RNF17: variants seen among roughly 807,000 people sequenced by gnomAD.
The protein encoded by RNF17 is spermatogenesis associated 23.
In RNF17, 31 loss-of-function variants were observed where a neutral mutation model predicts 200.5. The observed-to-expected ratio is 0.15, with a 90% confidence interval of 0.12 to 0.21. The LOEUF is 0.21. RNF17 is among the 10% of genes least tolerant of loss of function. RNF17 has a pLI of 1.00. For synonymous variants in RNF17, 606 were observed against 637.8 expected, an observed-to-expected ratio of 0.95 and a Z score of 0.75; for missense variants, 1,628 against 1,905.1, an observed-to-expected ratio of 0.85 and a Z score of 2.71.
intron 30 of RNF17, among the ~76,000 whole-genome samples, chr13:24,867,018 G>C (rs752181517): frequency 2.0e-5 from 3 of 152,060 alleles, no homozygotes; most frequent in Admixed American, 6.5e-5. Context: ...CTGGTGATTA[G>C]TATTGTTGAG....
chr13:24,821,484 C>G (rs990897535), intron 15 of RNF17, among the ~76,000 whole-genome samples: 3 of 152,068 alleles, frequency 2.0e-5, no homozygotes, highest in Admixed American at 2.0e-4. Context: ...TTCATAATGT[C>G]TCTGTTGGTT....
chr13:24,837,940 A>T (rs1432876585), intron 18 of RNF17, among the ~76,000 whole-genome samples: 1 of 152,128 alleles, frequency 6.6e-6, no homozygotes, highest in Non-Finnish European at 1.5e-5. Context: ...CATTAGCACG[A>T]TTTAGCACGA....
chr13:24,807,858 A>C (rs1447419805), intron 15 of RNF17, among the ~76,000 whole-genome samples: 1 of 151,378 alleles, frequency 6.6e-6, no homozygotes, highest in African/African-American at 2.4e-5. Context: ...TCAGCTTTCT[A>C]CATATGGCTA....
At chr13:24,764,432 C>T (rs1879253091) in intron 1 of RNF17, 99 bp downstream of exon 1, 4 of 1,432,038 alleles carry the variant, frequency 2.8e-6, no homozygotes, top group East Asian at 2.5e-5. Context: ...CAGCTGCATC[C>T]AATCCTGGTG....
At chr13:24,854,579 A>G (rs1045284235) in intron 25 of RNF17, among the ~76,000 whole-genome samples, 12 of 152,162 alleles carry the variant, frequency 7.9e-5, no homozygotes, top group African/African-American at 1.9e-4. Flanking sequence ...AAAGAAGGCA[A>G]TCACTCTAGA....
chr13:24,843,981 A>G lies in RNF17; in HGVS notation c.2831+10A>G, dbSNP rs1439239211. Reference sequence around the variant, plus strand: ...AAAACTTACTTAATAGGTATAATATATATATATAATATATAAGGAAAATAT... The same window carrying G: ...AAAACTTACTTAATAGGTATAATATGTATATATAATATATAAGGAAAATAT... On this transcript the variant is annotated intron_variant, in intron 20 of 35. Transcript: ENST00000255324. 2.9e-6 allele frequency: 2 copies of G among 699,646 alleles called. No homozygotes were observed. Among genetic ancestry groups the G allele is most frequent in the Non-Finnish European group, 4.2e-6 (2 of 475,234 alleles). The allele number at this position is 699,646 out of a possible 1,614,324, so 43.3% of individuals were successfully genotyped here. A position where few individuals can be genotyped will look rare whatever the true frequency, so the allele number is the denominator to read the frequency against.
At chr13:24,758,805 G>C in the RNF17 span, among the ~76,000 whole-genome samples, 1 of 151,992 alleles carries the variant, frequency 6.6e-6, no homozygotes, top group African/African-American at 2.4e-5. Context: ...GGCTGGGCGC[G>C]GTGGCTCACG....
At chr13:24,773,781 A>ACTTCAGTTT (rs976383755) in intron 2 of RNF17, among the ~76,000 whole-genome samples, 1 of 152,176 alleles carries the variant, frequency 6.6e-6, no homozygotes, top group Non-Finnish European at 1.5e-5. Context: ...CTTCAGCTTT[A>ACTTCAGTTT]CTTCAGTTTC....
Position 24,842,099 on chromosome 13 carries a change from A to C in RNF17, c.2541A>C (p.Glu847Asp). The change falls in exon 19 of 36, where the codon GAA (glutamate) becomes GAC (aspartate). Residue 847 changes from glutamate (E) to aspartate (D), a missense_variant. By Grantham distance (45) the Glu-to-Asp change is conservative (BLOSUM62 2). Transcript: ENST00000255324. The stretch of plus-strand genomic sequence containing the variant: ...TTTTCGATTCTCTTGGTGCTCCTGA[A>C]ATGACTACTACTAGTATTAATGACC... ...VELFDSLGAP[E>D]MTTTSINDQL... The C allele has an allele frequency of 1.2e-6, 2 of 1,611,110 alleles. No homozygotes were observed. The highest frequency in any genetic ancestry group is 1.7e-6 in the Non-Finnish European group (2 of 1,177,704).
At chr13:24,787,862 G>T in intron 6 of RNF17, 126 bp from the exon 7 acceptor site, 1 of 600,402 alleles carries the variant, frequency 1.7e-6, no homozygotes, top group African/African-American at 1.9e-5. Context: ...GTTACTGTTT[G>T]CCTCATTTAA....
intron 27 of RNF17, among the ~76,000 whole-genome samples, chr13:24,861,674 G>C (rs1893115095): frequency 6.6e-6 from 1 of 152,194 alleles, no homozygotes; most frequent in Admixed American, 6.5e-5. Context: ...CAACAAACTT[G>C]AAGCTGGAGA....
At chr13:24,794,924 G>A (rs1183250386) in intron 10 of RNF17, among the ~76,000 whole-genome samples, 2 of 152,120 alleles carry the variant, frequency 1.3e-5, no homozygotes, top group East Asian at 3.9e-4. Flanking sequence ...CACCATGTCA[G>A]CTAGGCTGAT....
intron 2 of RNF17, among the ~76,000 whole-genome samples, chr13:24,768,824 A>T (rs1880191409): frequency 6.6e-6 from 1 of 152,062 alleles, no homozygotes; most frequent in Non-Finnish European, 1.5e-5. Flanking sequence ...AAGCTTCCAG[A>T]CTACTAAAAT....
intron 2 of RNF17, 68 bp downstream of exon 2, chr13:24,767,434 G>C (rs1879866773): frequency 9.1e-7 from 1 of 1,100,776 alleles, no homozygotes; most frequent in Admixed American, 1.9e-5. Context: ...TACTACAGTA[G>C]TAAAACGTAC....
At chr13:24,763,272 G>A (rs892512189), upstream of RNF17, among the ~76,000 whole-genome samples, 4 of 148,988 alleles carry the variant, frequency 2.7e-5, no homozygotes, top group Admixed American at 1.3e-4. Context: ...GTATGATCTC[G>A]GCTCACTGCA....
At chr13:24,860,982 G>A (rs1341349306) in intron 26 of RNF17, among the ~76,000 whole-genome samples, 1 of 151,668 alleles carries the variant, frequency 6.6e-6, no homozygotes. Flanking sequence ...GGCTTAGGCA[G>A]TCCTCCCACC....
chr13:24,810,062 T>A (rs1353832135), intron 15 of RNF17, among the ~76,000 whole-genome samples: 1 of 151,408 alleles, frequency 6.6e-6, no homozygotes, highest in East Asian at 1.9e-4. Flanking sequence ...TACTTCCAAG[T>A]ATGTGGTCAA....
At chr13:24,885,313 T>C in the RNF17 span, 2 of 1,613,682 alleles carry the variant, frequency 1.2e-6, no homozygotes, top group Non-Finnish European at 1.7e-6. Flanking sequence ...CTGTATGTCT[T>C]GGTCTTCCTC....
chr13:24,762,692 G>A (rs1370235961), upstream of RNF17, among the ~76,000 whole-genome samples: 1 of 152,122 alleles, frequency 6.6e-6, no homozygotes, highest in Non-Finnish European at 1.5e-5. Context: ...AGTGTAGAGA[G>A]AAAAGAAAAT....
Sources: gnomAD v4.1 joint callset for allele counts (sites outside exome capture counted in the v4.1 genomes callset) on GRCh38, gnomAD v4.1.1 for gene constraint, MANE v1.5 for transcripts, NCBI Gene and HGNC (gene_info 2026-07-23, HGNC 2026-07-21) for gene names.